The following USP6NL variants were observed in gnomAD, a reference collection of about 807,000 sequenced individuals.
USP6NL encodes USP6 N-terminal-like protein.
A neutral mutation model predicts 61.9 loss-of-function variants in USP6NL; 26 were observed. The observed-to-expected ratio is 0.42, with a 90% CI of 0.31 to 0.58. The LOEUF (loss-of-function observed/expected upper bound fraction) is 0.58. USP6NL is among the 20% of genes least tolerant of loss of function. The probability of loss-of-function intolerance (pLI) is 0.16; values close to 1 mark genes in which losing one functional copy is unlikely to be tolerated. For synonymous variants in USP6NL, 432 were observed against 390.1 expected (o/e 1.11, Z -1.27); for missense variants, 1,114 against 1,034.3 (o/e 1.08, Z -1.06).
At position 11,490,737 on chromosome 10, in the gene USP6NL, C is replaced by T; in HGVS notation, c.543+95G>A. The T allele has an allele frequency of 8.0e-7, 1 of 1,246,042 alleles. No homozygotes were observed. Among genetic ancestry groups the T allele is most frequent in the Non-Finnish European group, 1.1e-6 (1 of 892,238 alleles). The allele number at this position is 1,246,042 out of a possible 1,614,324, so 77.2% of individuals were successfully genotyped here. On this transcript the variant is annotated intron_variant, in intron 9 of 14. Coordinates refer to ENST00000609104, the MANE Select transcript of USP6NL (RefSeq NM_014688.5). This position sits in a 1 kb window ranked among gnomAD's most constrained non-coding sequence, Gnocchi z 4.5. Reference sequence around the variant, plus strand: ...TAAAGAGACCATGGAGACCACCTAGCTCTGAGATGCAGAAATGTGCCCACA... The same window carrying T: ...TAAAGAGACCATGGAGACCACCTAGTTCTGAGATGCAGAAATGTGCCCACA...
chr10:11,479,564 T>TG (rs148698924), intron 14 of USP6NL, among the ~76,000 whole-genome samples: 168 of 135,984 alleles, frequency 1.2e-3, no homozygotes, highest in South Asian at 2.0e-3. Context: ...TTCATGTAGG[T>TG]GTTTTTTTTT....
rs989405439 is a variant in USP6NL, at chr10:11,585,942, C to T, written c.4+11689G>A. Among the ~76,000 whole-genome samples the T allele has an allele frequency of 3.3e-5, 5 of 152,046 alleles. No homozygotes were observed. Among genetic ancestry groups the T allele is most frequent in the Non-Finnish European group, 7.4e-5 (5 of 68,014 alleles). ...AGGCCGGGAAGAGGAAGAAACAGAG[C>T]ATTAGTGTTTAATGGGTACAGAGCC... On this transcript the variant is annotated intron_variant, in intron 2 of 14. Coordinates refer to ENST00000609104, the MANE Select transcript of USP6NL (RefSeq NM_014688.5). This position sits in a 1 kb window ranked among gnomAD's most constrained non-coding sequence, Gnocchi z 4.5.
Position 11,489,211 on chromosome 10 carries a change from A to G in USP6NL, c.555T>C (p.Tyr185=). Residue 185 remains tyrosine, a synonymous_variant, in exon 10 of 15, where the codon TAT becomes TAC. Coordinates refer to ENST00000609104, the MANE Select transcript of USP6NL (RefSeq NM_014688.5). This position sits in a 1 kb window ranked among gnomAD's most constrained non-coding sequence, Gnocchi z 5.7. ...CTGTGATCTGGCTCATCCCCTGACA[A>G]TACCCGACTTCCTGGGGAGCAAAGG... is the stretch of plus-strand genomic sequence containing the variant. ...AYSIYNTEVG[Y]CQGMSQITAL... is the part of the protein sequence containing the mutation. The G allele has an allele frequency of 1.2e-6, 2 of 1,613,798 alleles. No homozygotes were observed. Among genetic ancestry groups the G allele is most frequent in the Non-Finnish European group, 1.7e-6 (2 of 1,179,786 alleles).
rs187182795 is a variant in USP6NL at position 11,588,254 on chromosome 10, C to T, written c.4+9377G>A. Among the ~76,000 whole-genome samples, 40 of 152,324 alleles carry T rather than the reference C, an allele frequency of 2.6e-4. No individual in the cohort carries two copies. In the Middle Eastern group the frequency reaches 0.01, roughly 39 times the overall value. On this transcript the variant is annotated intron_variant, in intron 2 of 14. Coordinates refer to ENST00000609104, the MANE Select transcript of USP6NL (RefSeq NM_014688.5). Reference sequence around the variant, plus strand: ...ATGTGTGAATAACACTCAGCTGAATCCTGTACTGGAGGAGCAAAATGCTGT... The same window carrying T: ...ATGTGTGAATAACACTCAGCTGAATTCTGTACTGGAGGAGCAAAATGCTGT...
intron 2 of USP6NL, among the ~76,000 whole-genome samples, chr10:11,584,857 G>A (rs567964612): frequency 7.4e-4 from 113 of 152,150 alleles, no homozygotes; most frequent in African/African-American, 2.7e-3. Flanking sequence ...AGAATCACTT[G>A]AGCCAGGGAG....
chr10:11,462,248 A>T lies in USP6NL; in HGVS notation c.*193T>A. On this transcript the variant is annotated 3_prime_UTR_variant, in exon 15 of 15. Coordinates refer to ENST00000609104, the MANE Select transcript of USP6NL (RefSeq NM_014688.5). ...GTTAAATTCTAACAGGTCAGTGATG[A>T]TGCAATTGAAACGCTCATCTTAAGC... 1 of 651,902 alleles carries T rather than the reference A, an allele frequency of 1.5e-6. No individual in the cohort carries two copies. Among genetic ancestry groups the T allele is most frequent in the South Asian group, 2.2e-5 (1 of 45,202 alleles). The allele number at this position is 651,902 out of a possible 1,614,324, so 40.4% of individuals were successfully genotyped here.
At position 11,495,270 on chromosome 10, in the gene USP6NL, G is replaced by A. The variant is rs1015478942; in HGVS notation, c.385-2042C>T. On this transcript the variant is annotated intron_variant, in intron 7 of 14. Coordinates refer to ENST00000609104, the MANE Select transcript of USP6NL (RefSeq NM_014688.5). The surrounding 1 kb of genome is among the most constrained non-coding windows in gnomAD (Gnocchi z 4.6). ...TAGAGCGAGGATTATTATAATATTG[G>A]AATATAGAGTAATTGCTACAAACTA... 3.3e-5 allele frequency among the ~76,000 whole-genome samples: 5 copies of A among 152,128 alleles called. No homozygotes were observed. Among genetic ancestry groups the A allele is most frequent in the Non-Finnish European group, 7.4e-5 (5 of 68,014 alleles).
Position 11,511,745 on chromosome 10 carries a change from A to G in USP6NL, c.196-2070T>C, listed in dbSNP as rs1834723468. ...TTCCCACGCTGCAAGAACAAAACAC[A>G]CACATACACATACAAAAAAAATTAA... On this transcript the variant is annotated intron_variant, in intron 5 of 14. Transcript: ENST00000609104. This position sits in a 1 kb window ranked among gnomAD's most constrained non-coding sequence, Gnocchi z 4.9. Among the ~76,000 whole-genome samples, 1 of 152,242 alleles carries G rather than the reference A, an allele frequency of 6.6e-6. No individual in the cohort carries two copies. Among genetic ancestry groups the G allele is most frequent in the East Asian group, 1.9e-4 (1 of 5,188 alleles).
At chr10:11,534,766 C>A (rs1835773403) in intron 2 of USP6NL, among the ~76,000 whole-genome samples, 1 of 152,194 alleles carries the variant, frequency 6.6e-6, no homozygotes. Context: ...CTACACACCT[C>A]ATCATAATAC....
chr10:11,577,657 A>C (rs1029221547), intron 2 of USP6NL, among the ~76,000 whole-genome samples: 1 of 151,762 alleles, frequency 6.6e-6, no homozygotes, highest in African/African-American at 2.4e-5. Flanking sequence ...CCTTGCCACC[A>C]CACCTATCTT....
chr10:11,475,722 C>T (rs566372082), intron 14 of USP6NL, among the ~76,000 whole-genome samples: 26 of 151,438 alleles, frequency 1.7e-4, no homozygotes, highest in South Asian at 1.0e-3. Flanking sequence ...TGAGGGAGAG[C>T]GTTAAAGGGA....
At chr10:11,527,074 C>A (rs1835450887) in intron 3 of USP6NL, among the ~76,000 whole-genome samples, 1 of 152,098 alleles carries the variant, frequency 6.6e-6, no homozygotes, top group African/African-American at 2.4e-5. Context: ...AAAAGAAATT[C>A]CTGCCTAGAA....
In USP6NL at chr10:11,528,717, T is replaced by G. The variant is rs1835523843; in HGVS notation, c.5-1150A>C. On this transcript the variant is annotated intron_variant, in intron 2 of 14. Coordinates refer to ENST00000609104, the MANE Select transcript of USP6NL (RefSeq NM_014688.5). The surrounding 1 kb of genome is among the most constrained non-coding windows in gnomAD (Gnocchi z 4.6). ...TACCGATGGCAGATGGAACATATGC[T>G]TTTACCTCCATTTCCCCTAAAACCC... Among the ~76,000 whole-genome samples the G allele has an allele frequency of 6.6e-6, 1 of 152,170 alleles. No individual in the cohort carries two copies. The highest frequency in any genetic ancestry group is 2.1e-4 in the South Asian group (1 of 4,824).
rs767930146 is a variant in USP6NL, at chr10:11,463,804, G to T, written c.1124C>A (p.Pro375His). 142 of 1,486,474 alleles carry T rather than the reference G, an allele frequency of 9.6e-5. No individual in the cohort carries two copies. The highest frequency in any genetic ancestry group is 1.2e-4 in the Non-Finnish European group (139 of 1,119,254). 92.1% of individuals were successfully genotyped at this position (1,486,474 alleles called of 1,614,324 possible). A position where few individuals can be genotyped will look rare whatever the true frequency, so the allele number is the denominator to read the frequency against. Residue 375 changes from proline to histidine, a missense_variant, in exon 15 of 15, where the codon CCT becomes CAT. Coordinates refer to ENST00000609104, the MANE Select transcript of USP6NL (RefSeq NM_014688.5). This position sits in a 1 kb window ranked among gnomAD's most constrained non-coding sequence, Gnocchi z 6.3. ...ATGGACGCCCCAAGACTGAAGTTCA[G>T]GTGGAAGCTGCCCCAAGGGCTTCTT... ...YPKKPLGQLP[P>H]ELQSWGVHHL...
chr10:11,489,340 C>A lies in USP6NL; in HGVS notation c.544-118G>T. The A allele has an allele frequency of 1.5e-6, 2 of 1,317,120 alleles. No homozygotes were observed. Among genetic ancestry groups the A allele is most frequent in the Non-Finnish European group, 2.1e-6 (2 of 970,280 alleles). 81.6% of individuals were successfully genotyped at this position (1,317,120 alleles called of 1,614,324 possible). A position where few individuals can be genotyped will look rare whatever the true frequency, so the allele number is the denominator to read the frequency against. ...TGCCTACACACATCATTTAATGGTC[C>A]ATTCTAGAGACAAATACTATACTCT... On this transcript the variant is annotated intron_variant, in intron 9 of 14. Transcript: ENST00000609104. This position sits in a 1 kb window ranked among gnomAD's most constrained non-coding sequence, Gnocchi z 5.7.
At chr10:11,515,520 C>T (rs903474852) in intron 5 of USP6NL, among the ~76,000 whole-genome samples, 1 of 152,198 alleles carries the variant, frequency 6.6e-6, no homozygotes, top group East Asian at 1.9e-4. Flanking sequence ...TGGCTTCTGA[C>T]GTGAGAGGCA....
In USP6NL at chr10:11,606,027, C is replaced by T. The variant is rs56972771; in HGVS notation, c.-84+5416G>A. Among the ~76,000 whole-genome samples the T allele has an allele frequency of 6.0e-4, 92 of 152,100 alleles. 1 individual carries two copies. The highest frequency in any genetic ancestry group is 2.2e-3 in the African/African-American group (90 of 41,498). The stretch of plus-strand genomic sequence containing the variant: ...CACGGTATCAAAATGCCCCATATAT[C>T]TCAAACAAGAAATGGTGCAAGAGGG... On this transcript the variant is annotated intron_variant, in intron 1 of 14. Coordinates refer to ENST00000609104, the MANE Select transcript of USP6NL (RefSeq NM_014688.5).
At position 11,602,955 on chromosome 10, in the gene USP6NL, T is replaced by C. The variant is rs1838592435; in HGVS notation, c.-83-5238A>G. Among the ~76,000 whole-genome samples, 1 of 152,226 alleles carries C rather than the reference T, an allele frequency of 6.6e-6. No homozygotes were observed. Among genetic ancestry groups the C allele is most frequent in the African/African-American group, 2.4e-5 (1 of 41,460 alleles). ...TGCTTTCCCTAAAGAATGCTCTTGC[T>C]GCAACCCCGTGAAACATAACGTCAC... On this transcript the variant is annotated intron_variant, in intron 1 of 14. Transcript: ENST00000609104. This position sits in a 1 kb window ranked among gnomAD's most constrained non-coding sequence, Gnocchi z 4.8.
chr10:11,579,772 T>C (rs1837677200), intron 2 of USP6NL, among the ~76,000 whole-genome samples: 1 of 148,426 alleles, frequency 6.7e-6, no homozygotes, highest in Admixed American at 6.7e-5. Flanking sequence ...GGAGATAGAC[T>C]AGATCTACAG....
Sources: gnomAD v4.1 joint callset for allele counts (sites outside exome capture counted in the v4.1 genomes callset) on GRCh38, gnomAD v4.1.1 for gene constraint, Gnocchi (gnomAD v3.1) non-coding constraint, MANE v1.5 for transcripts, NCBI Gene and HGNC (gene_info 2026-07-23, HGNC 2026-07-21) for gene names.